XPR1: variants seen among roughly 807,000 people sequenced by gnomAD.
XPR1 encodes the protein solute carrier family 53 member 1.
Under a neutral mutation model 87.5 loss-of-function variants are expected in XPR1, and 28 were observed. That is an observed-to-expected ratio of 0.32 (90% CI 0.24 to 0.44). XPR1 has a LOEUF of 0.44. Among genes scored for constraint, XPR1 ranks in the 20% least tolerant of loss-of-function variants. The pLI is 1.00. For synonymous variants in XPR1, 300 were observed against 306.1 expected, an observed-to-expected ratio of 0.98 and a Z score of 0.21; for missense variants, 559 against 862.3, an observed-to-expected ratio of 0.65 and a Z score of 4.41.
chr1:180,846,849 C>G (rs1651700832), intron 11 of XPR1, among the ~76,000 whole-genome samples: 1 of 147,616 alleles, frequency 6.8e-6, no homozygotes, highest in Non-Finnish European at 1.5e-5. Context: ...ATATTTTCTT[C>G]ACATAGTAAA....
intron 1 of XPR1, among the ~76,000 whole-genome samples, chr1:180,641,911 A>G (rs1162973397): frequency 6.6e-6 from 1 of 152,166 alleles, no homozygotes; most frequent in Admixed American, 6.6e-5. Flanking sequence ...AATTTTAAGA[A>G]TGAAGTTTCT....
chr1:180,760,589 A>G (rs1463864162), intron 2 of XPR1, among the ~76,000 whole-genome samples: 2 of 152,220 alleles, frequency 1.3e-5, no homozygotes, highest in Non-Finnish European at 2.9e-5. Context: ...GGAGAACTAC[A>G]AACCACTGCT....
intron 2 of XPR1, among the ~76,000 whole-genome samples, chr1:180,710,815 T>TGGCCGGGCGGG (rs1185358682): frequency 3.4e-5 from 5 of 145,860 alleles, no homozygotes; most frequent in Non-Finnish European, 7.5e-5. Context: ...ATGGGGCGGC[T>TGGCCGGGCGGG]GGCTGGGCGG....
At chr1:180,785,968 AAAG>A (rs1198060713) in intron 2 of XPR1, among the ~76,000 whole-genome samples, 1 of 151,592 alleles carries the variant, frequency 6.6e-6, no homozygotes, top group Non-Finnish European at 1.5e-5. Flanking sequence ...AGCAAGGGAA[AAAG>A]AAAAAGAGAA....
At chr1:180,690,935 A>T (rs893246735) in intron 2 of XPR1, among the ~76,000 whole-genome samples, 1 of 151,354 alleles carries the variant, frequency 6.6e-6, no homozygotes. Context: ...TGTTTTAAAA[A>T]TTTTTCAAAT....
At chr1:180,715,865 G>C (rs571556700) in intron 2 of XPR1, among the ~76,000 whole-genome samples, 2 of 152,172 alleles carry the variant, frequency 1.3e-5, no homozygotes, top group South Asian at 4.2e-4. Context: ...TAGAGACGGG[G>C]TTTCTCCGTG....
intron 1 of XPR1, among the ~76,000 whole-genome samples, chr1:180,663,966 T>C (rs1385353298): frequency 6.6e-6 from 1 of 152,176 alleles, no homozygotes; most frequent in African/African-American, 2.4e-5. Context: ...TGTGCACTTA[T>C]GGCCCAAGCG....
intron 2 of XPR1, among the ~76,000 whole-genome samples, chr1:180,783,654 A>G (rs1302167557): frequency 6.6e-6 from 1 of 152,010 alleles, no homozygotes; most frequent in African/African-American, 2.4e-5. Context: ...TTTTATACAC[A>G]CCAGGATGTA....
At chr1:180,742,078 C>A (rs1658939763) in intron 2 of XPR1, among the ~76,000 whole-genome samples, 1 of 151,344 alleles carries the variant, frequency 6.6e-6, no homozygotes, top group African/African-American at 2.4e-5. Context: ...TTTTTTAAAT[C>A]AATTATATTA....
intron 1 of XPR1, among the ~76,000 whole-genome samples, chr1:180,679,968 A>T (rs186057681): frequency 6.6e-6 from 1 of 152,294 alleles, no homozygotes; most frequent in East Asian, 1.9e-4. Context: ...GAGAGAAAAT[A>T]TCTGGACACT....
At chr1:180,784,451 A>T (rs1450251329) in intron 2 of XPR1, among the ~76,000 whole-genome samples, 2 of 152,038 alleles carry the variant, frequency 1.3e-5, no homozygotes, top group African/African-American at 4.8e-5. Flanking sequence ...TTTTAAAAAT[A>T]TATTTTGCAT....
intron 11 of XPR1, among the ~76,000 whole-genome samples, chr1:180,839,931 G>A (rs1325765508): frequency 6.6e-6 from 1 of 152,216 alleles, no homozygotes; most frequent in Non-Finnish European, 1.5e-5. Context: ...TGGTAAAGAA[G>A]TGTTGCCCTC....
In XPR1 at chr1:180,787,984, T is replaced by G. The variant is rs1571838681; in HGVS notation, c.223+130T>G. 6 of 673,078 alleles carry G rather than the reference T, an allele frequency of 8.9e-6. No homozygotes were observed. In the East Asian group the frequency reaches 1.6e-4, roughly 18 times the overall value. 41.7% of individuals were successfully genotyped at this position (673,078 alleles called of 1,614,324 possible). A position where few individuals can be genotyped will look rare whatever the true frequency, so the allele number is the denominator to read the frequency against. On this transcript the variant is annotated intron_variant, in intron 3 of 14. Transcript: ENST00000367590. Reference sequence around the variant, plus strand: ...CTTACTATACTGCACTTAAGAGGATTTTCTTGAGCTGGGATAAGAACACGT... The same window carrying G: ...CTTACTATACTGCACTTAAGAGGATGTTCTTGAGCTGGGATAAGAACACGT...
intron 7 of XPR1, among the ~76,000 whole-genome samples, chr1:180,815,365 CTTTG>C (rs1270139049): frequency 1.5e-4 from 23 of 152,110 alleles, no homozygotes; most frequent in Non-Finnish European, 1.0e-4. Flanking sequence ...CAGAACCCTT[CTTTG>C]TTTGATCTTT....
intron 11 of XPR1, among the ~76,000 whole-genome samples, chr1:180,837,434 T>G (rs1651333941): frequency 6.6e-6 from 1 of 152,190 alleles, no homozygotes; most frequent in African/African-American, 2.4e-5. Flanking sequence ...AAATTAATAG[T>G]TATTTTTAAA....
chr1:180,659,361 GTCCT>G (rs1372970079), intron 1 of XPR1, among the ~76,000 whole-genome samples: 14 of 90,132 alleles, frequency 1.6e-4, no homozygotes, highest in East Asian at 7.5e-4. Flanking sequence ...CCGTCCTTCC[GTCCT>G]TCCGTCCGTC....
intron 11 of XPR1, among the ~76,000 whole-genome samples, chr1:180,854,229 A>G (rs1399233444): frequency 6.6e-6 from 1 of 152,256 alleles, no homozygotes; most frequent in Non-Finnish European, 1.5e-5. Flanking sequence ...CCTGTAAAGG[A>G]TTACAATCTG....
chr1:180,880,653 G>A (rs1286389176), intron 14 of XPR1, among the ~76,000 whole-genome samples: 1 of 152,082 alleles, frequency 6.6e-6, no homozygotes, highest in African/African-American at 2.4e-5. Context: ...TCTATGCCTT[G>A]ACCAAATGAC....
At chr1:180,798,460 G>T (rs1649665675) in intron 3 of XPR1, among the ~76,000 whole-genome samples, 1 of 152,012 alleles carries the variant, frequency 6.6e-6, no homozygotes, top group South Asian at 2.1e-4. Flanking sequence ...AAGGTCAAGG[G>T]GTTATAATTG....
Sources: allele counts gnomAD v4.1 joint callset (sites outside exome capture counted in the v4.1 genomes callset), GRCh38; gene constraint gnomAD v4.1.1; transcripts MANE v1.5; gene names NCBI Gene and HGNC (gene_info 2026-07-23, HGNC 2026-07-21).